ABCC8: variants seen among roughly 807,000 people sequenced by gnomAD.
ABCC8 encodes the protein ATP binding cassette subfamily C member 8.
ABCC8 carries 137 observed loss-of-function variants against 188.0 expected under a neutral mutation model. That is an observed-to-expected ratio of 0.73 (90% CI 0.63 to 0.84). The LOEUF (loss-of-function observed/expected upper bound fraction) is 0.84, where lower values mean the gene tolerates loss of function less well. ABCC8 is among the 40% of genes least tolerant of loss of function. ABCC8 has a pLI of 0.00. For synonymous variants in ABCC8, 797 were observed against 846.5 expected (o/e 0.94, Z 1.01); for missense variants, 1,750 against 2,072.7 (o/e 0.84, Z 3.02).
intron 3 of ABCC8, among the ~76,000 whole-genome samples, chr11:17,469,827 G>A (rs1230427846): frequency 1.3e-5 from 2 of 152,052 alleles, no homozygotes; most frequent in Admixed American, 6.5e-5. Context: ...ACCATCCTGT[G>A]TAGATAGCAA....
chr11:17,470,644 G>A (rs1005595131), intron 2 of ABCC8, among the ~76,000 whole-genome samples: 3 of 152,206 alleles, frequency 2.0e-5, no homozygotes, highest in Non-Finnish European at 2.9e-5. Context: ...CTAAGCATGC[G>A]ATATATGTTA....
intron 29 of ABCC8, among the ~76,000 whole-genome samples, chr11:17,398,699 A>G (rs557870962): frequency 6.6e-6 from 1 of 152,274 alleles, no homozygotes; most frequent in East Asian, 1.9e-4. Context: ...TCCCATTATA[A>G]TAAGGGGCAC....
chr11:17,470,217 G>A lies in ABCC8; in HGVS notation c.296C>T (p.Thr99Ile). The change falls in exon 3 of 39, where the codon ACC (threonine) becomes ATC (isoleucine). Residue 99 changes from threonine (T) to isoleucine (I), a missense_variant. By Grantham distance (89) the Thr-to-Ile change is moderately conservative. Coordinates refer to ENST00000389817, the MANE Select transcript of ABCC8 (RefSeq NM_000352.6). ...IAEGILSDGV[T>I]ESHHLHLYMP... is the part of the protein sequence containing the mutation. ...GTACAGGTGCAGATGGTGGGATTCG[G>A]TCACCCTGAGATGGGAGAGAGAAAC... 6.2e-7 allele frequency: 1 copy of A among 1,614,122 alleles called. No individual in the cohort carries two copies. Among genetic ancestry groups the A allele is most frequent in the Non-Finnish European group, 8.5e-7 (1 of 1,180,038 alleles).
chr11:17,426,030 T>G (rs1031817882), intron 16 of ABCC8, among the ~76,000 whole-genome samples: 1 of 152,224 alleles, frequency 6.6e-6, no homozygotes, highest in African/African-American at 2.4e-5. Flanking sequence ...CTTTTTTATG[T>G]CTGCATAGTA....
At chr11:17,430,721 C>G in intron 12 of ABCC8, 93 bp downstream of exon 12, 1 of 1,432,908 alleles carries the variant, frequency 7.0e-7, no homozygotes, top group Non-Finnish European at 9.8e-7. Flanking sequence ...TGTTCCGGGA[C>G]CAAACAGCTG....
Position 17,408,405 on chromosome 11 carries a change from T to C in ABCC8, c.2807A>G (p.Gln936Arg). 6.2e-7 allele frequency: 1 copy of C among 1,613,574 alleles called. No individual in the cohort carries two copies. Among genetic ancestry groups the C allele is most frequent in the Non-Finnish European group, 8.5e-7 (1 of 1,180,008 alleles). ...GGATATACCCACCTTCTCCAGCTCT[T>C]GGTCCTGTCGGTTCATGAGGGTCTT... ...HWKTLMNRQDQELEKETVTER... is the reference protein window; with the variant it reads ...HWKTLMNRQDRELEKETVTER... Residue 936 changes from glutamine (Q) to arginine (R), a missense_variant, in exon 23 of 39, where the codon CAA becomes CGA. By Grantham distance (43) the Gln-to-Arg change is conservative. Coordinates refer to ENST00000389817, the MANE Select transcript of ABCC8 (RefSeq NM_000352.6).
rs762615496 is a variant in ABCC8, at chr11:17,470,195, C to T, written c.318G>A (p.Leu106=). 2 of 1,614,138 alleles carry T rather than the reference C, an allele frequency of 1.2e-6. No individual in the cohort carries two copies. The highest frequency in any genetic ancestry group is 1.1e-5 in the South Asian group (1 of 91,068). The change falls in exon 3 of 39, where the codon CTG becomes CTA. Residue 106 remains leucine, a synonymous_variant. Coordinates refer to ENST00000389817, the MANE Select transcript of ABCC8 (RefSeq NM_000352.6). The part of the protein sequence containing the change: ...DGVTESHHLH[L]YMPAGMAFMA... Reference sequence around the variant, plus strand: ...TGAACGCCATCCCGGCTGGCATGTACAGGTGCAGATGGTGGGATTCGGTCA... The same window carrying T: ...TGAACGCCATCCCGGCTGGCATGTATAGGTGCAGATGGTGGGATTCGGTCA...
Position 17,448,340 on chromosome 11 carries a change from G to C in ABCC8, c.1332+176C>G, listed in dbSNP as rs539474520. 9.2e-6 allele frequency: 6 copies of C among 655,638 alleles called. No homozygotes were observed. The Admixed American group carries it at 1.4e-4, about 15-fold the overall frequency. The allele number at this position is 655,638 out of a possible 1,614,324, so 40.6% of individuals were successfully genotyped here. On this transcript the variant is annotated intron_variant, in intron 8 of 38. Coordinates refer to ENST00000389817, the MANE Select transcript of ABCC8 (RefSeq NM_000352.6). Reference sequence around the variant, plus strand: ...TCATTAAGAGAGATGGTCAGTGCTTGCAGAGTATGGGACAGGAGGGACCCA... The same window carrying C: ...TCATTAAGAGAGATGGTCAGTGCTTCCAGAGTATGGGACAGGAGGGACCCA...
At chr11:17,465,056 A>G (rs1171365593) in intron 3 of ABCC8, among the ~76,000 whole-genome samples, 10 of 152,092 alleles carry the variant, frequency 6.6e-5, no homozygotes, top group Admixed American at 6.5e-4. Flanking sequence ...ACCCGGGGGG[A>G]TCGATGCCAT....
rs1054112153 is a variant in ABCC8, at chr11:17,407,037, A to T, written c.3013T>A (p.Ser1005Thr). ...GACAGGAGCAGGATGCCGGCGGAGG[A>T]CAGGTACTTGGCGCAGGCTCGCCAT... ...IPWRACAKYLSSAGILLLSLL... is the reference protein window; with the variant it reads ...IPWRACAKYLTSAGILLLSLL... The change falls in exon 25 of 39, where the codon TCC becomes ACC. Residue 1005 changes from serine to threonine, a missense_variant. Ser to Thr is a moderately conservative substitution (Grantham distance 58). Coordinates refer to ENST00000389817, the MANE Select transcript of ABCC8 (RefSeq NM_000352.6). The T allele has an allele frequency of 6.2e-7, 1 of 1,614,044 alleles. No individual in the cohort carries two copies. The highest frequency in any genetic ancestry group is 1.3e-5 in the African/African-American group (1 of 74,932).
intron 8 of ABCC8, 160 bp downstream of exon 8, chr11:17,448,356 G>T: frequency 1.4e-6 from 1 of 698,650 alleles, no homozygotes. Flanking sequence ...TATGGGACAG[G>T]AGGGACCCAG....
intron 7 of ABCC8, among the ~76,000 whole-genome samples, chr11:17,450,145 C>T (rs1956704026): frequency 6.6e-6 from 1 of 152,150 alleles, no homozygotes; most frequent in South Asian, 2.1e-4. Context: ...ATTCTCTAAC[C>T]CATGAAGACA....
chr11:17,473,774 C>T (rs572970474), intron 2 of ABCC8, among the ~76,000 whole-genome samples: 14 of 152,312 alleles, frequency 9.2e-5, no homozygotes, highest in African/African-American at 3.4e-4. Flanking sequence ...CTAGATTCTC[C>T]CTGCCTCCAG....
At chr11:17,414,649 ATTCTCAGGGGCTTG>A (rs1292562498) in intron 18 of ABCC8, 39 bp from the exon 19 acceptor site, 3 of 1,612,586 alleles carry the variant, frequency 1.9e-6, no homozygotes, top group Non-Finnish European at 2.5e-6. Context: ...TGCGGAAGGC[ATTCTCAGGGGCTTG>A]TTCTCAGAGG....
At chr11:17,424,144 T>C (rs1384587817) in intron 16 of ABCC8, among the ~76,000 whole-genome samples, 1 of 151,778 alleles carries the variant, frequency 6.6e-6, no homozygotes, top group Non-Finnish European at 1.5e-5. Flanking sequence ...GAGGGGAACA[T>C]CACATACCGA....
chr11:17,435,192 C>T lies in ABCC8; in HGVS notation c.1631-2948G>A, dbSNP rs547471011. ...ATTCCCCTCCACCCCCGCCTCTCTTCTTTCAATAACACTGCGTAGGTGTTA... is the reference window on the plus strand; with the variant it reads ...ATTCCCCTCCACCCCCGCCTCTCTTTTTTCAATAACACTGCGTAGGTGTTA... On this transcript the variant is annotated intron_variant, in intron 10 of 38. Transcript: ENST00000389817. 2.6e-5 allele frequency among the ~76,000 whole-genome samples: 4 copies of T among 152,320 alleles called. No individual in the cohort carries two copies. In the South Asian group the frequency reaches 8.3e-4, roughly 32 times the overall value.
At position 17,402,730 on chromosome 11, in the gene ABCC8, G is replaced by A; in HGVS notation, c.3581C>T (p.Thr1194Ile). 6.2e-7 allele frequency: 1 copy of A among 1,614,232 alleles called. No individual in the cohort carries two copies. Among genetic ancestry groups the A allele is most frequent in the South Asian group, 1.1e-5 (1 of 91,088 alleles). The stretch of plus-strand genomic sequence containing the variant: ...GTGTGAGAGAAGTGGAAGCTGGGTG[G>A]TGTCATCCAGCTGCTGCAGGTCCCT... Reference protein sequence around the residue: ...ASRDLQQLDDTTQLPLLSHFA... With the variant: ...ASRDLQQLDDITQLPLLSHFA... The change falls in exon 29 of 39, where the codon ACC becomes ATC. Residue 1194 changes from threonine (T) to isoleucine (I), a missense_variant. Coordinates refer to ENST00000389817, the MANE Select transcript of ABCC8 (RefSeq NM_000352.6).
intron 8 of ABCC8, 97 bp from the exon 9 acceptor site, chr11:17,443,409 G>A: frequency 6.3e-7 from 1 of 1,598,916 alleles, no homozygotes; most frequent in Non-Finnish European, 8.5e-7. Context: ...CCTAGAGTGG[G>A]ACAAGCCTTG....
chr11:17,432,456 A>C (rs1015697714), intron 10 of ABCC8: 95 of 1,010,840 alleles, frequency 9.4e-5, no homozygotes, highest in Non-Finnish European at 1.8e-5. Context: ...CCGGCCCCCG[A>C]CTCTGGGGCT....
Sources: gnomAD v4.1 joint callset for allele counts (sites outside exome capture counted in the v4.1 genomes callset) on GRCh38, gnomAD v4.1.1 for gene constraint, MANE v1.5 for transcripts, NCBI Gene and HGNC (gene_info 2026-07-23, HGNC 2026-07-21) for gene names.